The following CSMD1 variants were observed in gnomAD, a reference collection of about 807,000 sequenced individuals.
CSMD1 encodes CUB and sushi domain-containing protein 1.
Under a neutral mutation model 417.5 loss-of-function variants are expected in CSMD1, and 213 were observed. The observed-to-expected ratio is 0.51, with a 90% CI of 0.46 to 0.57. CSMD1 has a LOEUF of 0.57. Among genes scored for constraint, CSMD1 ranks in the 20% least tolerant of loss-of-function variants. CSMD1 has a pLI of 0.00. For missense variants in CSMD1, 6,923 were observed against 4,529.7 expected (o/e 1.53, Z -15.17); for synonymous variants, 2,862 against 1,736.8 (o/e 1.65, Z -16.11).
At chr8:3,515,163 A>G (rs2117419471) in intron 10 of CSMD1, 1 of 152,360 alleles carries the variant, frequency 6.6e-6, no homozygotes, top group South Asian at 2.1e-4. Flanking sequence ...AGAAGTAGTC[A>G]TGAAAGTCCT....
chr8:4,652,113 A>G (rs1803934890), intron 1 of CSMD1, among the ~76,000 whole-genome samples: 1 of 152,186 alleles, frequency 6.6e-6, no homozygotes, highest in Admixed American at 6.5e-5. Flanking sequence ...TTAAATTAAT[A>G]ATAAAGGAGA....
At chr8:4,085,413 T>C (rs1800366857) in intron 3 of CSMD1, among the ~76,000 whole-genome samples, 1 of 152,194 alleles carries the variant, frequency 6.6e-6, no homozygotes, top group African/African-American at 2.4e-5. Flanking sequence ...TATTTTACAT[T>C]GTGGTGATTT....
chr8:3,842,276 T>C (rs1267851059), intron 5 of CSMD1, among the ~76,000 whole-genome samples: 1 of 152,112 alleles, frequency 6.6e-6, no homozygotes, highest in African/African-American at 2.4e-5. Context: ...CCCAATCTTC[T>C]TATGAGGTTC....
At chr8:4,616,256 G>C (rs1467740117) in intron 2 of CSMD1, among the ~76,000 whole-genome samples, 1 of 152,112 alleles carries the variant, frequency 6.6e-6, no homozygotes, top group Non-Finnish European at 1.5e-5. Flanking sequence ...CAAGAGGAAT[G>C]GTTTACCAAT....
intron 54 of CSMD1, among the ~76,000 whole-genome samples, chr8:2,992,533 C>A (rs1279784377): frequency 2.0e-5 from 3 of 151,916 alleles, no homozygotes; most frequent in Admixed American, 6.6e-5. Flanking sequence ...AAGCAATTCT[C>A]CTGCCTCAGC....
chr8:3,543,780 T>C (rs1798542148), intron 10 of CSMD1, among the ~76,000 whole-genome samples: 1 of 152,192 alleles, frequency 6.6e-6, no homozygotes, highest in African/African-American at 2.4e-5. Context: ...ATGTGGACAA[T>C]TCACTGTTTG....
chr8:4,636,557 ATTTATC>A (rs1802824201), intron 2 of CSMD1, among the ~76,000 whole-genome samples: 2 of 152,178 alleles, frequency 1.3e-5, no homozygotes, highest in Non-Finnish European at 2.9e-5. Context: ...GTACTCAAGA[ATTTATC>A]TTTGTTCTTT....
At chr8:4,485,767 T>C (rs1801344945) in intron 2 of CSMD1, among the ~76,000 whole-genome samples, 1 of 152,152 alleles carries the variant, frequency 6.6e-6, no homozygotes, top group South Asian at 2.1e-4. Context: ...TTTTCCAAAG[T>C]TGGTGACATA....
At chr8:4,602,927 T>A (rs1395370055) in intron 2 of CSMD1, among the ~76,000 whole-genome samples, 2 of 151,886 alleles carry the variant, frequency 1.3e-5, no homozygotes, top group Non-Finnish European at 2.9e-5. Flanking sequence ...TAGATTATTA[T>A]GTATGAATGT....
intron 12 of CSMD1, among the ~76,000 whole-genome samples, chr8:3,425,098 C>A (rs1240601293): frequency 3.9e-5 from 6 of 152,104 alleles, no homozygotes; most frequent in African/African-American, 1.4e-4. Context: ...TCCCAGCATC[C>A]CAAAGCGCCA....
intron 50 of CSMD1, among the ~76,000 whole-genome samples, chr8:3,051,327 G>A (rs565816910): frequency 2.9e-4 from 44 of 152,320 alleles, no homozygotes; most frequent in African/African-American, 9.9e-4. Flanking sequence ...ATTATTCCAA[G>A]TGAACTAATG....
intron 5 of CSMD1, among the ~76,000 whole-genome samples, chr8:3,894,346 A>C (rs146174965): frequency 5.2e-4 from 79 of 152,210 alleles, no homozygotes; most frequent in Non-Finnish European, 8.2e-4. Flanking sequence ...TTTTTCTATC[A>C]CGAGGATTAA....
At chr8:4,123,655 AAC>A (rs1478452110) in intron 3 of CSMD1, among the ~76,000 whole-genome samples, 1 of 152,202 alleles carries the variant, frequency 6.6e-6, no homozygotes, top group East Asian at 1.9e-4. Context: ...GGGAACTGGT[AAC>A]ACTCTTAAAG....
intron 3 of CSMD1, among the ~76,000 whole-genome samples, chr8:4,150,361 G>T (rs1385186615): frequency 6.6e-6 from 1 of 152,174 alleles, no homozygotes. Flanking sequence ...CTCAGTGTCT[G>T]CAGCTGTCTT....
At chr8:4,934,731 T>C (rs1216549092) in intron 1 of CSMD1, among the ~76,000 whole-genome samples, 1 of 152,216 alleles carries the variant, frequency 6.6e-6, no homozygotes, top group African/African-American at 2.4e-5. Context: ...CATCTATATA[T>C]CTATAAACTA....
At chr8:3,749,398 C>T (rs1797212743) in intron 6 of CSMD1, among the ~76,000 whole-genome samples, 1 of 152,068 alleles carries the variant, frequency 6.6e-6, no homozygotes, top group South Asian at 2.1e-4. Flanking sequence ...AACTGTAGAA[C>T]AGTTTTACTT....
intron 23 of CSMD1, among the ~76,000 whole-genome samples, chr8:3,332,972 G>C (rs375602498): frequency 6.6e-6 from 1 of 152,200 alleles, no homozygotes; most frequent in Admixed American, 6.5e-5. Flanking sequence ...ACTCAATCCA[G>C]GGAAAGCCCT....
intron 5 of CSMD1, among the ~76,000 whole-genome samples, chr8:3,861,937 C>A (rs573540511): frequency 6.6e-6 from 1 of 152,226 alleles, no homozygotes; most frequent in South Asian, 2.1e-4. Flanking sequence ...CCTGGAAAGT[C>A]AATCTTTGTA....
chr8:4,806,952 A>C (rs1470161206), intron 1 of CSMD1, among the ~76,000 whole-genome samples: 1 of 152,208 alleles, frequency 6.6e-6, no homozygotes, highest in African/African-American at 2.4e-5. Flanking sequence ...TTTATGTTCA[A>C]TTCTATGTGG....
Sources: gnomAD v4.1 joint callset for allele counts (sites outside exome capture counted in the v4.1 genomes callset) on GRCh38, gnomAD v4.1.1 for gene constraint, MANE v1.5 for transcripts, NCBI Gene and HGNC (gene_info 2026-07-23, HGNC 2026-07-21) for gene names.